Variants in KLHL1 observed in about 807,000 individuals in gnomAD.
KLHL1 encodes kelch like family member 1, also known as kelch-like protein 1.
A neutral mutation model predicts 77.7 loss-of-function variants in KLHL1; 47 were observed. The observed-to-expected ratio is 0.60, with a 90% CI of 0.48 to 0.77. The LOEUF (loss-of-function observed/expected upper bound fraction) is 0.77. Among genes scored for constraint, KLHL1 ranks in the 30% least tolerant of loss-of-function variants. KLHL1 has a pLI of 0.00. For synonymous variants in KLHL1, 360 were observed against 325.2 expected, an observed-to-expected ratio of 1.11 and a Z score of -1.15; for missense variants, 925 against 910.8, an observed-to-expected ratio of 1.02 and a Z score of -0.20.
At chr13:70,007,781 A>T (rs1348395475) in intron 1 of KLHL1, among the ~76,000 whole-genome samples, 4 of 152,044 alleles carry the variant, frequency 2.6e-5, no homozygotes, top group Non-Finnish European at 5.9e-5. Context: ...ACAAGAAAAC[A>T]AATACAAACA....
intron 7 of KLHL1, among the ~76,000 whole-genome samples, chr13:69,771,941 G>C (rs1875589669): frequency 6.6e-6 from 1 of 151,838 alleles, no homozygotes; most frequent in Non-Finnish European, 1.5e-5. Flanking sequence ...TCAATAAATA[G>C]TATAATAATA....
intron 1 of KLHL1, among the ~76,000 whole-genome samples, chr13:70,075,588 T>TATATATATATATATACAC (rs1221350719): frequency 2.5e-5 from 3 of 122,008 alleles, no homozygotes; most frequent in African/African-American, 9.3e-5. Context: ...TATATATATA[T>TATATATATATATATACAC]ACACACACAC....
chr13:70,067,889 A>G (rs1887048385), intron 1 of KLHL1, among the ~76,000 whole-genome samples: 1 of 152,168 alleles, frequency 6.6e-6, no homozygotes, highest in Non-Finnish European at 1.5e-5. Context: ...AGAAGGATGT[A>G]TTGAAGAACT....
intron 1 of KLHL1, among the ~76,000 whole-genome samples, chr13:70,082,029 A>T (rs1347023317): frequency 6.6e-6 from 1 of 151,896 alleles, no homozygotes; most frequent in Admixed American, 6.6e-5. Flanking sequence ...AGTTCTCAGG[A>T]GGTCAGGTTG....
intron 1 of KLHL1, among the ~76,000 whole-genome samples, chr13:70,033,294 T>G: frequency 6.6e-6 from 1 of 152,080 alleles, no homozygotes; most frequent in South Asian, 2.1e-4. Flanking sequence ...TTTTGTTTCG[T>G]TTTGTTTTGT....
intron 1 of KLHL1, among the ~76,000 whole-genome samples, chr13:70,022,030 G>A (rs1010261288): frequency 2.6e-5 from 4 of 151,638 alleles, no homozygotes; most frequent in African/African-American, 9.7e-5. Flanking sequence ...TCATTCCTTT[G>A]GTGTTATAGA....
intron 2 of KLHL1, 101 bp from the exon 3 acceptor site, chr13:69,961,545 A>G: frequency 8.2e-7 from 1 of 1,223,272 alleles, no homozygotes; most frequent in Middle Eastern, 2.0e-4. Flanking sequence ...TCTATTGATC[A>G]ATCAATTAAT....
chr13:69,967,054 T>C (rs918886609), intron 2 of KLHL1, among the ~76,000 whole-genome samples: 1 of 152,176 alleles, frequency 6.6e-6, no homozygotes, highest in Non-Finnish European at 1.5e-5. Context: ...ATATTGTGAA[T>C]AGTGGTGCAA....
At chr13:69,744,413 C>T (rs931513543) in intron 7 of KLHL1, among the ~76,000 whole-genome samples, 14 of 151,942 alleles carry the variant, frequency 9.2e-5, no homozygotes, top group Admixed American at 5.9e-4. Context: ...ATCCTGTAAA[C>T]ATCATCCATA....
At chr13:70,028,408 C>T (rs1331019154) in intron 1 of KLHL1, among the ~76,000 whole-genome samples, 5 of 152,000 alleles carry the variant, frequency 3.3e-5, no homozygotes, top group Non-Finnish European at 5.9e-5. Flanking sequence ...GCACATAGAA[C>T]TGTTTGGATT....
intron 4 of KLHL1, among the ~76,000 whole-genome samples, 196 bp from the exon 5 acceptor site, chr13:69,882,691 C>A (rs935550635): frequency 6.6e-6 from 1 of 152,146 alleles, no homozygotes; most frequent in Admixed American, 6.5e-5. Context: ...GTATCCCAGA[C>A]AGCACAGATC....
intron 4 of KLHL1, among the ~76,000 whole-genome samples, chr13:69,935,283 A>AGTTCACCCACTGGT (rs1431328675): frequency 6.6e-6 from 1 of 152,008 alleles, no homozygotes; most frequent in Non-Finnish European, 1.5e-5. Flanking sequence ...CTTGGTACAT[A>AGTTCACCCACTGGT]GCAGTCAATA....
intron 1 of KLHL1, among the ~76,000 whole-genome samples, chr13:70,006,303 C>T (rs1885403295): frequency 1.3e-5 from 2 of 151,854 alleles, no homozygotes; most frequent in South Asian, 2.1e-4. Context: ...TTATTCTATT[C>T]CTGGGATAAA....
chr13:69,854,407 G>C (rs942665067), intron 5 of KLHL1, among the ~76,000 whole-genome samples: 2 of 151,948 alleles, frequency 1.3e-5, no homozygotes, highest in African/African-American at 2.4e-5. Flanking sequence ...AAAGCATAGA[G>C]TGAAAACTAA....
At chr13:70,051,231 T>G (rs140859307) in intron 1 of KLHL1, among the ~76,000 whole-genome samples, 2,168 of 152,162 alleles carry the variant, frequency 0.014, 24 homozygotes, top group South Asian at 0.034. Context: ...AAATTTTATT[T>G]AATCGTAATT....
chr13:70,076,306 C>G (rs2137424582), intron 1 of KLHL1, among the ~76,000 whole-genome samples: 1 of 150,508 alleles, frequency 6.6e-6, no homozygotes, highest in South Asian at 2.1e-4. Context: ...TGGAAAGAAA[C>G]AGTCAGAAAC....
intron 1 of KLHL1, among the ~76,000 whole-genome samples, chr13:70,053,845 A>G (rs569889696): frequency 2.6e-5 from 4 of 152,230 alleles, no homozygotes; most frequent in South Asian, 2.1e-4. Context: ...AATTTCCCCA[A>G]GTACCAACCC....
At chr13:69,854,488 T>C (rs1487003000) in intron 5 of KLHL1, among the ~76,000 whole-genome samples, 7 of 151,990 alleles carry the variant, frequency 4.6e-5, no homozygotes, top group Non-Finnish European at 8.8e-5. Flanking sequence ...ACATCCCACA[T>C]TGGTTACCAT....
chr13:69,728,949 G>A (rs1873422592), intron 8 of KLHL1, among the ~76,000 whole-genome samples: 1 of 152,006 alleles, frequency 6.6e-6, no homozygotes, highest in Non-Finnish European at 1.5e-5. Context: ...TAAAATTCAA[G>A]CCTACTTATA....
Sources: allele counts gnomAD v4.1 joint callset (sites outside exome capture counted in the v4.1 genomes callset), GRCh38; gene constraint gnomAD v4.1.1; transcripts MANE v1.5; gene names NCBI Gene and HGNC (gene_info 2026-07-23, HGNC 2026-07-21).